Variants in NAA11 observed in about 807,000 individuals in gnomAD.
NAA11 encodes the protein N-alpha-acetyltransferase 11, NatA catalytic subunit.
NAA11 carries 15 observed loss-of-function variants against 16.1 expected under a neutral mutation model. That is an observed-to-expected ratio of 0.93 (90% confidence interval 0.62 to 1.44). The LOEUF is 1.44. NAA11 is among the 40% of genes most tolerant of loss of function. The pLI is 0.00. For missense variants in NAA11, 298 were observed against 291.3 expected (o/e 1.02, Z -0.17); for synonymous variants, 122 against 112.4 (o/e 1.09, Z -0.54).
intron 2 of NAA11, among the ~76,000 whole-genome samples, chr4:79,276,489 T>G (rs1373059002): frequency 6.6e-6 from 1 of 152,144 alleles, no homozygotes; most frequent in Non-Finnish European, 1.5e-5. Flanking sequence ...AACACTAAGT[T>G]CACTTTGTGT....
At chr4:79,272,111 A>G (rs999447833) in intron 2 of NAA11, among the ~76,000 whole-genome samples, 2 of 151,918 alleles carry the variant, frequency 1.3e-5, no homozygotes, top group African/African-American at 4.8e-5. Flanking sequence ...ATATATACAT[A>G]TATACTATGC....
the NAA11 span, among the ~76,000 whole-genome samples, chr4:79,164,566 A>C: frequency 6.6e-6 from 1 of 152,194 alleles, no homozygotes; most frequent in Non-Finnish European, 1.5e-5. Context: ...AAAGAACACA[A>C]AATCTCCTTG....
the NAA11 span, among the ~76,000 whole-genome samples, chr4:79,206,855 G>A: frequency 6.6e-6 from 1 of 152,126 alleles, no homozygotes; most frequent in East Asian, 1.9e-4. Flanking sequence ...AGTAAAAATA[G>A]CCTTGCTGAA....
chr4:79,248,026 C>A (rs947839004), intron 2 of NAA11, among the ~76,000 whole-genome samples: 16 of 152,138 alleles, frequency 1.1e-4, no homozygotes, highest in African/African-American at 2.9e-4. Flanking sequence ...CTTAGGGGAA[C>A]TATTGGACCT....
intron 2 of NAA11, among the ~76,000 whole-genome samples, chr4:79,273,465 C>T (rs926575834): frequency 3.3e-5 from 5 of 151,998 alleles, no homozygotes; most frequent in Non-Finnish European, 1.5e-5. Context: ...AAAAATAATA[C>T]AGACCAAATA....
intron 1 of NAA11, among the ~76,000 whole-genome samples, chr4:79,304,005 T>TAA (rs1301154129): frequency 3.9e-5 from 6 of 152,214 alleles, no homozygotes; most frequent in African/African-American, 1.4e-4. Flanking sequence ...TCCTCTGCTC[T>TAA]ATGGCATACT....
In NAA11 at chr4:79,325,986, C is replaced by T; in HGVS notation, c.-109G>A. On this transcript the variant is annotated 5_prime_UTR_variant, in exon 1 of 2. Coordinates refer to ENST00000286794, the MANE Select transcript of NAA11 (RefSeq NM_032693.3). ...GGAATCGAGTCCAGGGGGCTAACAC[C>T]ACCGGGCTGAATCGTGTGGAGGGCG... The T allele has an allele frequency of 1.1e-6, 1 of 913,428 alleles. No homozygotes were observed. Among genetic ancestry groups the T allele is most frequent in the Non-Finnish European group, 1.7e-6 (1 of 602,584 alleles). The allele number at this position is 913,428 out of a possible 1,614,324, so 56.6% of individuals were successfully genotyped here. A position where few individuals can be genotyped will look rare whatever the true frequency, so the allele number is the denominator to read the frequency against.
chr4:79,191,425 G>T, the NAA11 span, among the ~76,000 whole-genome samples: 1 of 151,460 alleles, frequency 6.6e-6, no homozygotes, highest in South Asian at 2.1e-4. Flanking sequence ...TTTTTCTAAT[G>T]ATCAGTGATA....
At chr4:79,208,951 CA>C in the NAA11 span, among the ~76,000 whole-genome samples, 1 of 69,182 alleles carries the variant, frequency 1.4e-5, no homozygotes, top group Non-Finnish European at 3.6e-5. Context: ...AAAAAAACCC[CA>C]AAAAACCAAA....
chr4:79,296,971 G>A (rs544477823), intron 1 of NAA11, among the ~76,000 whole-genome samples: 6 of 152,312 alleles, frequency 3.9e-5, no homozygotes, highest in Non-Finnish European at 2.9e-5. Flanking sequence ...CACAGGCAGT[G>A]ACAGCAGGAG....
chr4:79,193,711 T>C, the NAA11 span, among the ~76,000 whole-genome samples: 1 of 152,210 alleles, frequency 6.6e-6, no homozygotes, highest in South Asian at 2.1e-4. Flanking sequence ...CAATGCGGGC[T>C]CTTTTTTGGT....
intron 2 of NAA11, among the ~76,000 whole-genome samples, chr4:79,246,753 T>G (rs1721845088): frequency 6.6e-6 from 1 of 152,256 alleles, no homozygotes; most frequent in Non-Finnish European, 1.5e-5. Context: ...ATATATTATG[T>G]AAAGAATGCA....
At chr4:79,299,965 T>C (rs771451379) in intron 1 of NAA11, among the ~76,000 whole-genome samples, 8 of 152,186 alleles carry the variant, frequency 5.3e-5, no homozygotes, top group Non-Finnish European at 7.3e-5. Flanking sequence ...CAATGAGCTC[T>C]GGCCTGGTTC....
intron 2 of NAA11, among the ~76,000 whole-genome samples, chr4:79,231,847 A>T (rs1441911181): frequency 6.6e-6 from 1 of 151,768 alleles, no homozygotes; most frequent in African/African-American, 2.4e-5. Flanking sequence ...TTCGGCAAAA[A>T]TCCTGAATAT....
intron 1 of NAA11, among the ~76,000 whole-genome samples, chr4:79,301,932 T>C (rs1186628894): frequency 6.6e-6 from 1 of 152,242 alleles, no homozygotes. Flanking sequence ...CTTCTATTTC[T>C]TTTAAAAATG....
At chr4:79,177,366 T>A in the NAA11 span, among the ~76,000 whole-genome samples, 1 of 149,370 alleles carries the variant, frequency 6.7e-6, no homozygotes, top group East Asian at 2.0e-4. Flanking sequence ...CTTATCTTTG[T>A]TAATCTGAGT....
At chr4:79,261,487 C>T (rs1722243249) in intron 2 of NAA11, among the ~76,000 whole-genome samples, 1 of 152,118 alleles carries the variant, frequency 6.6e-6, no homozygotes, top group African/African-American at 2.4e-5. Context: ...ATGATTTTTA[C>T]ATTAATTTTT....
At chr4:79,167,137 T>G in the NAA11 span, among the ~76,000 whole-genome samples, 1 of 57,378 alleles carries the variant, frequency 1.7e-5, no homozygotes, top group Non-Finnish European at 3.4e-5. Flanking sequence ...TTATTTTATA[T>G]ATATATATAT....
chr4:79,244,638 C>CCCCCTCCCCATCTCCCGTCT (rs60096999), intron 2 of NAA11: 2 of 44,388 alleles, frequency 4.5e-5, no homozygotes, highest in Non-Finnish European at 1.0e-4. Flanking sequence ...CCCTCCCCCT[C>CCCCCTCCCCATCTCCCGTCT]CCCGTCTCCG....
Sources: allele counts gnomAD v4.1 joint callset (sites outside exome capture counted in the v4.1 genomes callset), GRCh38; gene constraint gnomAD v4.1.1; transcripts MANE v1.5; gene names NCBI Gene and HGNC (gene_info 2026-07-23, HGNC 2026-07-21).